Variants in USP28 observed in about 807,000 individuals in gnomAD.
USP28 encodes ubiquitin specific peptidase 28.
In USP28, 113 loss-of-function variants were observed where a neutral mutation model predicts 145.0. That is an observed-to-expected ratio of 0.78 (90% CI 0.67 to 0.91). The LOEUF (loss-of-function observed/expected upper bound fraction) is 0.91. USP28 is among the 40% of genes least tolerant of loss of function. The pLI, the probability that USP28 is intolerant of heterozygous loss-of-function variation, is 0.00. For synonymous variants in USP28, 447 were observed against 450.9 expected (o/e 0.99, Z 0.11); for missense variants, 1,201 against 1,289.6 (o/e 0.93, Z 1.05).
At chr11:113,852,855 C>A (rs1213513153) in intron 2 of USP28, among the ~76,000 whole-genome samples, 1 of 152,218 alleles carries the variant, frequency 6.6e-6, no homozygotes, top group East Asian at 1.9e-4. Flanking sequence ...TCCCACAACA[C>A]CCAAACAAAA....
In USP28 at chr11:113,812,269, C is replaced by T. The variant is rs373284839; in HGVS notation, c.1972+7G>A. 1.7e-5 allele frequency: 28 copies of T among 1,609,770 alleles called. No homozygotes were observed. The highest frequency in any genetic ancestry group is 2.3e-5 in the Non-Finnish European group (27 of 1,177,970). ...CCAATCTATAGATTCTGCCAAGATACTTTTACCTGCATTGAAGTAGGGTAG... is the reference window on the plus strand; with the variant it reads ...CCAATCTATAGATTCTGCCAAGATATTTTTACCTGCATTGAAGTAGGGTAG... On this transcript the variant is annotated splice_region_variant and intron_variant, in intron 16 of 24. Transcript: ENST00000003302.
intron 11 of USP28, among the ~76,000 whole-genome samples, chr11:113,825,016 C>A (rs1011910967): frequency 6.6e-6 from 1 of 151,350 alleles, no homozygotes; most frequent in Non-Finnish European, 1.5e-5. Context: ...CCAATAGCCA[C>A]TGGGTAGAAA....
At chr11:113,873,501 A>T (rs980315266) in intron 1 of USP28, among the ~76,000 whole-genome samples, 1 of 152,228 alleles carries the variant, frequency 6.6e-6, no homozygotes, top group Non-Finnish European at 1.5e-5. Flanking sequence ...AGAATGCTGA[A>T]ATAGGGTCAC....
chr11:113,874,449 A>AAAAAG, intron 1 of USP28: 8 of 856,408 alleles, frequency 9.3e-6, no homozygotes, highest in East Asian at 6.9e-5. Context: ...AAAAAAAAAA[A>AAAAAG]GTGTCTCCAT....
At chr11:113,862,928 G>C (rs919299566) in intron 1 of USP28, among the ~76,000 whole-genome samples, 4 of 152,110 alleles carry the variant, frequency 2.6e-5, no homozygotes, top group African/African-American at 9.7e-5. Flanking sequence ...CAAGAGTTAA[G>C]ATCATATTCA....
At position 113,829,353 on chromosome 11, in the gene USP28, AAG is replaced by A; in HGVS notation, c.911-10_911-9del. 1 of 1,613,952 alleles carries A rather than the reference AAG, an allele frequency of 6.2e-7. No individual in the cohort carries two copies. Among genetic ancestry groups the A allele is most frequent in the East Asian group, 2.2e-5 (1 of 44,882 alleles). ...TGTTACAAAAGGGTTTTCCTAGGCAAAGAGAGAGACTTTTTAAAAAAGACATC... is the reference window on the plus strand; with the variant it reads ...TGTTACAAAAGGGTTTTCCTAGGCAAAGAGAGACTTTTTAAAAAAGACATC... On this transcript the variant is annotated splice_polypyrimidine_tract_variant and intron_variant, in intron 9 of 24. Coordinates refer to ENST00000003302, the Ensembl canonical transcript of USP28.
chr11:113,855,947 C>T (rs1451289637), intron 1 of USP28, among the ~76,000 whole-genome samples: 1 of 152,028 alleles, frequency 6.6e-6, no homozygotes, highest in African/African-American at 2.4e-5. Flanking sequence ...AAAGAAGCAC[C>T]AACAGTCGTT....
chr11:113,864,370 A>G (rs1008720891), intron 1 of USP28, among the ~76,000 whole-genome samples: 1 of 152,240 alleles, frequency 6.6e-6, no homozygotes, highest in Non-Finnish European at 1.5e-5. Context: ...GGAGATAAAT[A>G]TAAGAGGTGA....
chr11:113,803,087 T>A, intron 23 of USP28, 71 bp downstream of exon 24: 1 of 1,464,582 alleles, frequency 6.8e-7, no homozygotes, highest in Non-Finnish European at 9.1e-7. Flanking sequence ...TTGAAAGCCA[T>A]ATATTTTCCT....
At chr11:113,821,367 A>G (rs1942575273) in intron 12 of USP28, 1 of 228,728 alleles carries the variant, frequency 4.4e-6, no homozygotes, top group Middle Eastern at 7.9e-4. Context: ...CTCACAGCCA[A>G]TTGCCACTAT....
intron 3 of USP28, among the ~76,000 whole-genome samples, chr11:113,847,341 T>C (rs1350924243): frequency 1.3e-5 from 2 of 149,654 alleles, no homozygotes; most frequent in East Asian, 2.0e-4. Flanking sequence ...GACAGAAAAA[T>C]CCATTGAAAG....
intron 19 of USP28, among the ~76,000 whole-genome samples, chr11:113,805,681 G>A (rs571390843): frequency 2.8e-4 from 43 of 152,168 alleles, no homozygotes; most frequent in Admixed American, 7.2e-4. Context: ...CTATACAAAT[G>A]CAATTTTACT....
Position 113,855,694 on chromosome 11 carries a change from A to T in USP28, c.58-1359T>A, listed in dbSNP as rs537874810. On this transcript the variant is annotated intron_variant, in intron 1 of 24. Coordinates refer to ENST00000003302, the Ensembl canonical transcript of USP28. ...CACTTTGGGAGGCCAGGGTGGGCAGATCACTTGAGGTTGGGAGTTCGAGAC... is the reference window on the plus strand; with the variant it reads ...CACTTTGGGAGGCCAGGGTGGGCAGTTCACTTGAGGTTGGGAGTTCGAGAC... Among the ~76,000 whole-genome samples the T allele has an allele frequency of 5.4e-4, 82 of 152,298 alleles. 1 individual carries two copies. Among genetic ancestry groups the T allele is most frequent in the African/African-American group, 1.9e-3 (79 of 41,568 alleles).
In USP28 at chr11:113,823,625, A is replaced by C. The variant is rs781058963; in HGVS notation, c.1263T>G (p.Ile421Met). Residue 421 changes from isoleucine (I) to methionine (M), a missense_variant, in exon 12 of 25, where the codon ATT (isoleucine) becomes ATG (methionine). Ile to Met is a conservative substitution (Grantham distance 10, BLOSUM62 1). Coordinates refer to ENST00000003302, the Ensembl canonical transcript of USP28. ...CTCACCTTTCCAATTTTTGCTGCAG[A>C]ATTTTTATTTCCTCCTTCAACTTTC... The C allele has an allele frequency of 6.2e-7, 1 of 1,612,288 alleles. No homozygotes were observed. Among genetic ancestry groups the C allele is most frequent in the Admixed American group, 1.7e-5 (1 of 59,884 alleles).
intron 3 of USP28, among the ~76,000 whole-genome samples, chr11:113,851,736 G>C (rs1427527522): frequency 6.7e-6 from 1 of 149,340 alleles, no homozygotes; most frequent in Non-Finnish European, 1.5e-5. Flanking sequence ...GGTGAGCGCA[G>C]ATCGCGCTAT....
intron 11 of USP28, among the ~76,000 whole-genome samples, chr11:113,825,027 C>T (rs1438797499): frequency 6.6e-6 from 1 of 150,468 alleles, no homozygotes; most frequent in Non-Finnish European, 1.5e-5. Flanking sequence ...TGGGTAGAAA[C>T]TGACAAGCTG....
Position 113,809,243 on chromosome 11 carries a change from T to C in USP28, c.1984A>G (p.Thr662Ala), listed in dbSNP as rs376273651. 21 of 1,613,764 alleles carry C rather than the reference T, an allele frequency of 1.3e-5. No homozygotes were observed. In the East Asian group the frequency reaches 1.8e-4, roughly 14 times the overall value. ...ACTTCTGACATTTGATCTGATTCAG[T>C]TGGGGCTGCCTCTGAGGAAAAGCAA... The change falls in exon 17 of 25, where the codon ACT becomes GCT. Residue 662 changes from threonine (T) to alanine (A), a missense_variant. Coordinates refer to ENST00000003302, the Ensembl canonical transcript of USP28.
intron 12 of USP28, among the ~76,000 whole-genome samples, chr11:113,822,610 AG>A (rs1413848206): frequency 3.3e-5 from 5 of 152,228 alleles, no homozygotes; most frequent in Non-Finnish European, 5.9e-5. Flanking sequence ...TACTGCATCC[AG>A]TTGGTATGGT....
At position 113,851,956 on chromosome 11, in the gene USP28, C is replaced by T. The variant is rs193015461; in HGVS notation, c.268+545G>A. On this transcript the variant is annotated intron_variant, in intron 3 of 24. Transcript: ENST00000003302. Reference sequence around the variant, plus strand: ...AAAAACAAGCTAAATGCAGGCAGGGCTTCAAGAGTGCTTGGCACATAGTTG... The same window carrying T: ...AAAAACAAGCTAAATGCAGGCAGGGTTTCAAGAGTGCTTGGCACATAGTTG... Among the ~76,000 whole-genome samples, 1,044 of 152,318 alleles carry T rather than the reference C, an allele frequency of 6.9e-3. 9 individuals are homozygous for T. The highest frequency in any genetic ancestry group is 0.011 in the Non-Finnish European group (750 of 68,030).
Sources: gnomAD v4.1 joint callset for allele counts (sites outside exome capture counted in the v4.1 genomes callset) on GRCh38, gnomAD v4.1.1 for gene constraint, MANE v1.5 for transcripts, NCBI Gene and HGNC (gene_info 2026-07-23, HGNC 2026-07-21) for gene names.